PTPRD: variants seen among roughly 807,000 people sequenced by gnomAD.
The protein encoded by PTPRD is receptor-type tyrosine-protein phosphatase delta.
PTPRD carries 34 observed loss-of-function variants against 214.5 expected under a neutral mutation model. That is an observed-to-expected ratio of 0.16 (90% CI 0.12 to 0.21). The LOEUF (loss-of-function observed/expected upper bound fraction) is 0.21, where lower values mean the gene tolerates loss of function less well. Ranked by LOEUF, PTPRD falls within the 10% of genes least tolerant of loss-of-function variation. The probability of loss-of-function intolerance (pLI) is 1.00; values close to 1 mark genes in which losing one functional copy is unlikely to be tolerated. For synonymous variants in PTPRD, 1,128 were observed against 845.7 expected (o/e 1.33, Z -5.79); for missense variants, 2,545 against 2,398.7 (o/e 1.06, Z -1.27).
intron 3 of PTPRD, among the ~76,000 whole-genome samples, chr9:10,110,848 A>G (rs112724650): frequency 1.3e-3 from 205 of 152,370 alleles, no homozygotes; most frequent in African/African-American, 3.4e-3. Flanking sequence ...ACTTAATTTC[A>G]TAATATCTAA....
At chr9:10,325,371 C>G (rs1417236040) in intron 3 of PTPRD, among the ~76,000 whole-genome samples, 2 of 151,954 alleles carry the variant, frequency 1.3e-5, no homozygotes, top group African/African-American at 2.4e-5. Flanking sequence ...CTGGCCATAT[C>G]TCTTTTTGTT....
intron 4 of PTPRD, among the ~76,000 whole-genome samples, chr9:10,013,189 G>A (rs939200993): frequency 3.3e-5 from 5 of 151,792 alleles, no homozygotes; most frequent in African/African-American, 1.2e-4. Flanking sequence ...AAGAATAAAA[G>A]CCTTCAGAAG....
intron 8 of PTPRD, among the ~76,000 whole-genome samples, chr9:9,441,522 G>T (rs1355038731): frequency 6.6e-6 from 1 of 152,114 alleles, no homozygotes; most frequent in Non-Finnish European, 1.5e-5. Context: ...ATGATGGAGG[G>T]AGAAACTAGG....
At chr9:8,954,750 A>G (rs149419229) in intron 11 of PTPRD, among the ~76,000 whole-genome samples, 1 of 151,960 alleles carries the variant, frequency 6.6e-6, no homozygotes, top group African/African-American at 2.4e-5. Flanking sequence ...TAGATACATG[A>G]TCATGGTTTT....
intron 10 of PTPRD, among the ~76,000 whole-genome samples, chr9:9,044,607 A>G (rs2099665753): frequency 6.6e-6 from 1 of 152,236 alleles, no homozygotes; most frequent in Admixed American, 6.5e-5. Context: ...ACACTGTTAA[A>G]TAAAAGCTGC....
At chr9:9,726,303 C>G (rs1326197856) in intron 7 of PTPRD, among the ~76,000 whole-genome samples, 1 of 152,160 alleles carries the variant, frequency 6.6e-6, no homozygotes, top group African/African-American at 2.4e-5. Context: ...TTCCACATGT[C>G]CAAATCATAC....
At chr9:8,457,357 A>G (rs1450650748) in intron 33 of PTPRD, among the ~76,000 whole-genome samples, 1 of 152,160 alleles carries the variant, frequency 6.6e-6, no homozygotes, top group East Asian at 1.9e-4. Flanking sequence ...TCAAAATTAT[A>G]GTACAAGAAA....
intron 7 of PTPRD, among the ~76,000 whole-genome samples, chr9:9,708,615 C>T (rs186568692): frequency 2.8e-4 from 43 of 151,988 alleles, no homozygotes; most frequent in South Asian, 2.1e-4. Flanking sequence ...GAGTATTTCA[C>T]GGTTTTCCTA....
Position 10,372,229 on chromosome 9 carries a change from A to G in PTPRD, c.-599-31212T>C, listed in dbSNP as rs538040522. On this transcript the variant is annotated intron_variant, in intron 2 of 45. Coordinates refer to ENST00000381196, the MANE Select transcript of PTPRD (RefSeq NM_002839.4). ...AATGACCTCCCTTCCTCTCCTTTAG[A>G]TTTCCACGTATACTTAGTAGTAATA... Among the ~76,000 whole-genome samples, 3 of 152,232 alleles carry G rather than the reference A, an allele frequency of 2.0e-5. No individual in the cohort carries two copies. In the South Asian group the frequency reaches 6.2e-4, roughly 32 times the overall value.
chr9:9,619,593 G>T (rs1471225205), intron 7 of PTPRD, among the ~76,000 whole-genome samples: 2 of 144,440 alleles, frequency 1.4e-5, no homozygotes, highest in African/African-American at 5.0e-5. Context: ...ATATATGTTA[G>T]AGAGATAATA....
intron 9 of PTPRD, among the ~76,000 whole-genome samples, chr9:9,336,831 A>C (rs960566590): frequency 5.3e-5 from 8 of 152,128 alleles, no homozygotes; most frequent in Non-Finnish European, 8.8e-5. Flanking sequence ...TTTAAGTCTC[A>C]TCTTTGTGAT....
chr9:8,475,376 T>C (rs981133083), intron 30 of PTPRD, among the ~76,000 whole-genome samples: 7 of 152,302 alleles, frequency 4.6e-5, no homozygotes, highest in African/African-American at 1.7e-4. Context: ...ACTAACCTTA[T>C]TTCCTTAGCA....
At chr9:9,285,894 A>G (rs779602189) in intron 9 of PTPRD, among the ~76,000 whole-genome samples, 1 of 151,700 alleles carries the variant, frequency 6.6e-6, no homozygotes, top group African/African-American at 2.4e-5. Context: ...ATCTATATCT[A>G]TATATCTGTA....
Position 8,660,386 on chromosome 9 carries a change from AG to A in PTPRD, c.65-23543del, listed in dbSNP as rs1458393449. Among the ~76,000 whole-genome samples the A allele has an allele frequency of 3.9e-5, 6 of 152,248 alleles. No individual in the cohort carries two copies. The East Asian group carries it at 1.2e-3, about 29-fold the overall frequency. On this transcript the variant is annotated intron_variant, in intron 12 of 45. Transcript: ENST00000381196. ...TGGCTCCGTTCGTAACAGTGCTTTG[AG>A]GGTTAAGCCCACTGGTGGCAGATGA...
intron 11 of PTPRD, among the ~76,000 whole-genome samples, chr9:8,792,928 T>C (rs1024303077): frequency 2.0e-5 from 3 of 152,172 alleles, no homozygotes; most frequent in African/African-American, 4.8e-5. Flanking sequence ...TACAAAATGC[T>C]CTCACATCCA....
intron 8 of PTPRD, among the ~76,000 whole-genome samples, chr9:9,438,064 C>G (rs1230222758): frequency 2.0e-5 from 3 of 152,162 alleles, no homozygotes; most frequent in Non-Finnish European, 4.4e-5. Context: ...ATGGCTTTCC[C>G]TCTGTGTGCT....
chr9:9,110,237 A>AC (rs1325151543), intron 10 of PTPRD, among the ~76,000 whole-genome samples: 1 of 152,134 alleles, frequency 6.6e-6, no homozygotes, highest in East Asian at 1.9e-4. Flanking sequence ...AATACTGGTG[A>AC]CACCCAAATA....
intron 9 of PTPRD, among the ~76,000 whole-genome samples, chr9:9,395,947 T>C: frequency 6.6e-6 from 1 of 152,116 alleles, no homozygotes; most frequent in East Asian, 1.9e-4. Flanking sequence ...TAGATTGCAG[T>C]ATTAGAATAA....
intron 26 of PTPRD, among the ~76,000 whole-genome samples, chr9:8,493,284 G>A (rs887907762): frequency 3.3e-5 from 5 of 152,162 alleles, no homozygotes; most frequent in Non-Finnish European, 5.9e-5. Flanking sequence ...GACAGACCAA[G>A]TATGTTTACC....
Sources: gnomAD v4.1 joint callset for allele counts (sites outside exome capture counted in the v4.1 genomes callset) on GRCh38, gnomAD v4.1.1 for gene constraint, MANE v1.5 for transcripts, NCBI Gene and HGNC (gene_info 2026-07-23, HGNC 2026-07-21) for gene names.